Variants in LRP1B observed in about 807,000 individuals in gnomAD.
LRP1B encodes LDL receptor related protein 1B, also known as low-density lipoprotein receptor-related protein 1B.
Under a neutral mutation model 556.6 loss-of-function variants are expected in LRP1B, and 217 were observed. That is an observed-to-expected ratio of 0.39 (90% CI 0.35 to 0.44). The LOEUF (loss-of-function observed/expected upper bound fraction) is 0.44. LRP1B is among the 20% of genes least tolerant of loss of function. The probability of loss-of-function intolerance (pLI) is 1.00; values close to 1 mark genes in which losing one functional copy is unlikely to be tolerated. For synonymous variants in LRP1B, 2,047 were observed against 1,865.8 expected (o/e 1.10, Z -2.50); for missense variants, 5,053 against 5,620.8 (o/e 0.90, Z 3.23).
At chr2:141,307,110 G>A (rs867777570) in intron 3 of LRP1B, among the ~76,000 whole-genome samples, 3 of 152,062 alleles carry the variant, frequency 2.0e-5, no homozygotes, top group African/African-American at 7.2e-5. Flanking sequence ...ATAAATATCT[G>A]CTAGGTCCAT....
intron 11 of LRP1B, among the ~76,000 whole-genome samples, chr2:141,038,127 A>G (rs78122358): frequency 0.17 from 19,315 of 113,648 alleles, 1,294 homozygotes; most frequent in Admixed American, 0.19. Flanking sequence ...AAAAGTAAAA[A>G]CTAAAAATAA....
chr2:141,735,368 C>T (rs577304459), intron 2 of LRP1B, among the ~76,000 whole-genome samples: 2 of 152,006 alleles, frequency 1.3e-5, no homozygotes, highest in East Asian at 3.9e-4. Context: ...CTTGCCCGGT[C>T]TCATTAGGCC....
At chr2:141,215,476 T>C (rs894974346) in intron 6 of LRP1B, among the ~76,000 whole-genome samples, 2 of 151,916 alleles carry the variant, frequency 1.3e-5, no homozygotes, top group African/African-American at 2.4e-5. Flanking sequence ...CAGGAAGAGA[T>C]TGGAAGAGTT....
chr2:141,035,219 G>A (rs1421198591), intron 11 of LRP1B, among the ~76,000 whole-genome samples: 3 of 151,890 alleles, frequency 2.0e-5, no homozygotes, highest in Non-Finnish European at 4.4e-5. Context: ...GTGGGGGAAG[G>A]GGGGAGGGAT....
intron 3 of LRP1B, among the ~76,000 whole-genome samples, chr2:141,377,267 T>C (rs984898654): frequency 1.2e-4 from 19 of 152,148 alleles, no homozygotes; most frequent in Non-Finnish European, 2.4e-4. Flanking sequence ...CTAAAGAAAT[T>C]ATAGAATGTG....
chr2:141,648,459 C>T (rs1689663613), intron 2 of LRP1B, among the ~76,000 whole-genome samples: 1 of 152,208 alleles, frequency 6.6e-6, no homozygotes, highest in African/African-American at 2.4e-5. Flanking sequence ...CCCTCCTTTT[C>T]CCAGGAGAAA....
chr2:141,541,205 G>T (rs919320689), intron 2 of LRP1B, among the ~76,000 whole-genome samples: 7 of 152,010 alleles, frequency 4.6e-5, no homozygotes, highest in South Asian at 2.1e-4. Context: ...TCCAATAGAG[G>T]TTCCAGGTGT....
chr2:142,125,231 A>G (rs1707600051), intron 1 of LRP1B, among the ~76,000 whole-genome samples: 1 of 151,534 alleles, frequency 6.6e-6, no homozygotes, highest in Non-Finnish European at 1.5e-5. Flanking sequence ...AGACAAACAG[A>G]AAAAAAACAG....
intron 84 of LRP1B, among the ~76,000 whole-genome samples, chr2:140,279,055 C>A (rs188830040): frequency 6.6e-6 from 1 of 151,916 alleles, no homozygotes; most frequent in Non-Finnish European, 1.5e-5. Context: ...TATGTAATGT[C>A]TTTGTCCCTT....
At chr2:142,031,987 G>A (rs970528273) in intron 1 of LRP1B, among the ~76,000 whole-genome samples, 4 of 151,824 alleles carry the variant, frequency 2.6e-5, no homozygotes, top group South Asian at 2.1e-4. Context: ...CAGAAACCAG[G>A]AGGAGACTTT....
chr2:140,379,085 G>A (rs542033756), intron 67 of LRP1B, among the ~76,000 whole-genome samples: 12 of 152,278 alleles, frequency 7.9e-5, no homozygotes, highest in African/African-American at 2.9e-4. Flanking sequence ...CAATATGACT[G>A]CTGGATATCA....
At position 140,701,849 on chromosome 2, in the gene LRP1B, C is replaced by A. The variant is rs2105426680; in HGVS notation, c.6303-4G>T. 1 of 1,611,980 alleles carries A rather than the reference C, an allele frequency of 6.2e-7. No individual in the cohort carries two copies. Among genetic ancestry groups the A allele is most frequent in the African/African-American group, 1.3e-5 (1 of 74,848 alleles). ...GACAGACCCGTTTGCATGTGCTCTGCCAAAAAGTTGAACATACATGATCAA... is the reference window on the plus strand; with the variant it reads ...GACAGACCCGTTTGCATGTGCTCTGACAAAAAGTTGAACATACATGATCAA... On this transcript the variant is annotated splice_region_variant and splice_polypyrimidine_tract_variant and intron_variant, in intron 39 of 90. Coordinates refer to ENST00000389484, the MANE Select transcript of LRP1B (RefSeq NM_018557.3).
chr2:140,617,112 T>G (rs1179437666), intron 41 of LRP1B, among the ~76,000 whole-genome samples: 1 of 151,972 alleles, frequency 6.6e-6, no homozygotes, highest in Non-Finnish European at 1.5e-5. Context: ...ACTTACTAAG[T>G]GCTCAGTACT....
At chr2:140,736,496 A>G (rs1259925729) in intron 35 of LRP1B, among the ~76,000 whole-genome samples, 3 of 152,196 alleles carry the variant, frequency 2.0e-5, no homozygotes, top group Non-Finnish European at 4.4e-5. Flanking sequence ...GGCTACAGTA[A>G]CTAAAACAGC....
chr2:141,667,553 T>C (rs535775180), intron 2 of LRP1B, among the ~76,000 whole-genome samples: 80 of 152,306 alleles, frequency 5.3e-4, no homozygotes, highest in South Asian at 1.7e-3. Context: ...TTGAAAAACA[T>C]TGCTTGTGGT....
intron 1 of LRP1B, among the ~76,000 whole-genome samples, chr2:141,951,044 TAGTC>T (rs771649371): frequency 6.6e-6 from 1 of 152,094 alleles, no homozygotes; most frequent in Non-Finnish European, 1.5e-5. Flanking sequence ...AAAATGTAAA[TAGTC>T]AGATAGAAAG....
At chr2:141,621,648 A>C (rs963040711) in intron 2 of LRP1B, among the ~76,000 whole-genome samples, 5 of 152,148 alleles carry the variant, frequency 3.3e-5, no homozygotes, top group African/African-American at 1.2e-4. Context: ...ATACATTTAA[A>C]TATTTAGATT....
chr2:140,761,334 C>CTA (rs1206523809), intron 35 of LRP1B, among the ~76,000 whole-genome samples: 1 of 152,174 alleles, frequency 6.6e-6, no homozygotes, highest in African/African-American at 2.4e-5. Flanking sequence ...TATAAAAGGT[C>CTA]TATAATATTG....
intron 60 of LRP1B, among the ~76,000 whole-genome samples, chr2:140,458,648 C>T (rs142189905): frequency 0.015 from 2,335 of 152,068 alleles, 61 homozygotes; most frequent in African/African-American, 0.051. Context: ...ATATTTACTT[C>T]TTTCTTAATT....
Sources: gnomAD v4.1 joint callset for allele counts (sites outside exome capture counted in the v4.1 genomes callset) on GRCh38, gnomAD v4.1.1 for gene constraint, MANE v1.5 for transcripts, NCBI Gene and HGNC (gene_info 2026-07-23, HGNC 2026-07-21) for gene names.